The following CDC42BPA variants were observed in gnomAD, a reference collection of about 807,000 sequenced individuals.
The protein encoded by CDC42BPA is CDC42 binding protein kinase alpha, also known as serine/threonine-protein kinase MRCK alpha.
In CDC42BPA, 80 loss-of-function variants were observed where a neutral mutation model predicts 223.5. The ratio of observed to expected loss-of-function variants is 0.36; its 90% CI spans 0.30 to 0.43. The LOEUF is 0.43. Ranked by LOEUF, CDC42BPA falls within the 20% of genes least tolerant of loss-of-function variation. The pLI, the probability that CDC42BPA is intolerant of heterozygous loss-of-function variation, is 1.00. For synonymous variants in CDC42BPA, 694 were observed against 718.6 expected (o/e 0.97, Z 0.55); for missense variants, 1,743 against 2,099.9 (o/e 0.83, Z 3.32).
chr1:227,290,091 C>T (rs765524487), intron 1 of CDC42BPA, among the ~76,000 whole-genome samples: 2 of 152,102 alleles, frequency 1.3e-5, no homozygotes, highest in Non-Finnish European at 1.5e-5. Context: ...TCCATAGAGT[C>T]AAATTCAAAT....
intron 35 of CDC42BPA, among the ~76,000 whole-genome samples, chr1:227,001,437 C>T (rs867141422): frequency 4.6e-5 from 7 of 152,318 alleles, no homozygotes; most frequent in Middle Eastern, 3.4e-3. Context: ...CGTTTGCATG[C>T]CATCAGCAGT....
chr1:227,214,390 A>C (rs1487972349), intron 2 of CDC42BPA, among the ~76,000 whole-genome samples: 1 of 152,180 alleles, frequency 6.6e-6, no homozygotes, highest in Non-Finnish European at 1.5e-5. Context: ...GTTTTTCATC[A>C]ATTAAAATGG....
At chr1:227,201,751 A>G (rs1316041318) in intron 3 of CDC42BPA, among the ~76,000 whole-genome samples, 1 of 148,532 alleles carries the variant, frequency 6.7e-6, no homozygotes, top group Non-Finnish European at 1.5e-5. Flanking sequence ...CTTTATACAA[A>G]TGAGATTATA....
At chr1:227,121,675 C>T (rs1415952062) in intron 11 of CDC42BPA, among the ~76,000 whole-genome samples, 1 of 152,052 alleles carries the variant, frequency 6.6e-6, no homozygotes, top group Admixed American at 6.6e-5. Context: ...TGTATTTTAT[C>T]ACTTTATCAA....
intron 5 of CDC42BPA, among the ~76,000 whole-genome samples, chr1:227,179,659 A>AAAAAAAAAAAAAAAAAG (rs1216438998): frequency 7.5e-5 from 11 of 146,976 alleles, no homozygotes; most frequent in African/African-American, 2.6e-4. Flanking sequence ...AAAAAAAAAA[A>AAAAAAAAAAAAAAAAAG]AGCTATTTTA....
In CDC42BPA at chr1:227,080,874, C is replaced by T. The variant is rs764155911; in HGVS notation, c.2480+19G>A. On this transcript the variant is annotated intron_variant, in intron 17 of 36. Transcript: ENST00000366766. ...ATACTCACAATCATCCACAAAAAAA[C>T]GTTTAAAAGAGCACTCACCACTGAA... 1.9e-5 allele frequency: 30 copies of T among 1,612,570 alleles called. 1 individual carries two copies. In the South Asian group the frequency reaches 2.6e-4, roughly 14 times the overall value.
chr1:227,275,353 AAAC>A (rs1686750309), intron 1 of CDC42BPA, among the ~76,000 whole-genome samples: 1 of 152,050 alleles, frequency 6.6e-6, no homozygotes, highest in African/African-American at 2.4e-5. Flanking sequence ...TTACATTAGA[AAAC>A]AATAATGCTA....
At chr1:227,056,805 T>C (rs142615609) in intron 21 of CDC42BPA, among the ~76,000 whole-genome samples, 156 of 152,328 alleles carry the variant, frequency 1.0e-3, no homozygotes, top group African/African-American at 3.7e-3. Flanking sequence ...AATCTTTTAG[T>C]GATATATTTA....
At chr1:226,999,911 G>C (rs753406701) in intron 35 of CDC42BPA, among the ~76,000 whole-genome samples, 232 of 127,608 alleles carry the variant, frequency 1.8e-3, no homozygotes, top group Admixed American at 3.0e-3. Flanking sequence ...AGAATACCCA[G>C]ACACAGGGAG....
intron 15 of CDC42BPA, among the ~76,000 whole-genome samples, chr1:227,093,820 C>A (rs1283913103): frequency 2.0e-5 from 3 of 152,156 alleles, no homozygotes; most frequent in African/African-American, 7.2e-5. Context: ...GTCTTTTGGA[C>A]AACATATTGG....
chr1:227,000,729 C>T (rs1269428402), intron 35 of CDC42BPA, among the ~76,000 whole-genome samples: 1 of 152,004 alleles, frequency 6.6e-6, no homozygotes, highest in African/African-American at 2.4e-5. Context: ...AATCCCACCC[C>T]AGTGATTTCC....
Position 227,093,989 on chromosome 1 carries a change from T to G in CDC42BPA, c.2250-1998A>C, listed in dbSNP as rs145607781. Among the ~76,000 whole-genome samples, 51 of 152,212 alleles carry G rather than the reference T, an allele frequency of 3.4e-4. No homozygotes were observed. In the East Asian group the frequency reaches 9.5e-3, roughly 28 times the overall value. ...AATCATTTATTAACTTCACCTGAAA[T>G]AGTTACATCAAAAAGGGAGGCCAAC... On this transcript the variant is annotated intron_variant, in intron 15 of 36. Transcript: ENST00000366766.
chr1:227,249,733 C>T (rs1047156335), intron 2 of CDC42BPA, among the ~76,000 whole-genome samples: 7 of 152,038 alleles, frequency 4.6e-5, no homozygotes, highest in Non-Finnish European at 7.4e-5. Context: ...AAATGCAAAT[C>T]AAAACTACAA....
At chr1:227,282,322 CCT>C (rs2148582134) in intron 1 of CDC42BPA, among the ~76,000 whole-genome samples, 1 of 152,180 alleles carries the variant, frequency 6.6e-6, no homozygotes, top group East Asian at 1.9e-4. Context: ...CCTATTCAGT[CCT>C]GTTAAAATGT....
chr1:226,994,391 G>T lies in CDC42BPA; in HGVS notation c.5142C>A (p.Asp1714Glu). The T allele has an allele frequency of 6.4e-7, 1 of 1,553,800 alleles. No individual in the cohort carries two copies. Among genetic ancestry groups the T allele is most frequent in the East Asian group, 2.3e-5 (1 of 42,650 alleles). ...TGGAAGCTGTGGAATGCCTCGGAGA[G>T]TCAGAGTCCTGTAAGGCCCAAAGTA... ...PARDFDGEDS[D>E]SPRHSTASNS... is the part of the protein sequence containing the mutation. Residue 1714 changes from aspartate to glutamate, a missense_variant, in exon 37 of 37, where the codon GAC becomes GAA. Asp to Glu is a conservative substitution (Grantham distance 45, BLOSUM62 2). Transcript: ENST00000366766. This position sits in a 1 kb window ranked among gnomAD's most constrained non-coding sequence, Gnocchi z 4.0.
intron 34 of CDC42BPA, chr1:227,010,932 T>C (rs1222572082): frequency 7.3e-7 from 1 of 1,365,314 alleles, no homozygotes; most frequent in Non-Finnish European, 9.8e-7. Flanking sequence ...ACGGGGAATA[T>C]TCAGGGTTTA....
chr1:227,182,692 C>T (rs753449205), intron 5 of CDC42BPA, among the ~76,000 whole-genome samples: 9 of 152,104 alleles, frequency 5.9e-5, no homozygotes, highest in Non-Finnish European at 7.4e-5. Flanking sequence ...TTGAAGGATG[C>T]CTAATTGGCT....
chr1:227,158,816 T>G (rs1442424851), intron 6 of CDC42BPA, among the ~76,000 whole-genome samples: 3 of 152,182 alleles, frequency 2.0e-5, no homozygotes. Context: ...TGTGGTACAA[T>G]GCACAGCCCA....
intron 1 of CDC42BPA, among the ~76,000 whole-genome samples, chr1:227,307,784 A>G (rs1403980014): frequency 1.3e-5 from 2 of 152,230 alleles, no homozygotes; most frequent in African/African-American, 4.8e-5. Context: ...TCAATACATA[A>G]AAAGTCCTAA....
Sources: allele counts gnomAD v4.1 joint callset (sites outside exome capture counted in the v4.1 genomes callset), GRCh38; gene constraint gnomAD v4.1.1; non-coding constraint Gnocchi (gnomAD v3.1); transcripts MANE v1.5; gene names NCBI Gene and HGNC (gene_info 2026-07-23, HGNC 2026-07-21).